The following TNKS2 variants were observed in gnomAD, a reference collection of about 807,000 sequenced individuals.
TNKS2 encodes tankyrase 2, also known as poly [ADP-ribose] polymerase tankyrase-2.
In TNKS2, 72 loss-of-function variants were observed where a neutral mutation model predicts 137.6. The observed-to-expected ratio is 0.52, with a 90% CI of 0.43 to 0.64. The LOEUF (loss-of-function observed/expected upper bound fraction) is 0.64. Among genes scored for constraint, TNKS2 ranks in the 30% least tolerant of loss-of-function variants. The probability of loss-of-function intolerance (pLI) is 0.00; values close to 1 mark genes in which losing one functional copy is unlikely to be tolerated. For synonymous variants in TNKS2, 516 were observed against 512.1 expected, an observed-to-expected ratio of 1.01 and a Z score of -0.10; for missense variants, 1,049 against 1,410.2, an observed-to-expected ratio of 0.74 and a Z score of 4.10.
At chr10:91,809,812 G>GA (rs759854251) in intron 1 of TNKS2, among the ~76,000 whole-genome samples, 13 of 150,510 alleles carry the variant, frequency 8.6e-5, no homozygotes, top group East Asian at 5.8e-4. Flanking sequence ...TTTCTTTAAA[G>GA]AAAAAAAAAG....
chr10:91,813,960 G>C (rs1482747562), intron 2 of TNKS2, among the ~76,000 whole-genome samples: 1 of 152,034 alleles, frequency 6.6e-6, no homozygotes, highest in Non-Finnish European at 1.5e-5. Context: ...CATGATACTT[G>C]ATAATAACCA....
chr10:91,819,936 C>A lies in TNKS2; in HGVS notation c.634-3C>A. 1 of 1,539,916 alleles carries A rather than the reference C, an allele frequency of 6.5e-7. No individual in the cohort carries two copies. The highest frequency in any genetic ancestry group is 2.3e-5 in the East Asian group (1 of 42,746). ...TCATTAATATATTTGATTAATATTT[C>A]AGTCAACTCCATTACATTTGGCAGC... On this transcript the variant is annotated splice_polypyrimidine_tract_variant and splice_region_variant and intron_variant, in intron 5 of 26. Transcript: ENST00000371627.
At chr10:91,836,078 T>C (rs2792027) in intron 12 of TNKS2, among the ~76,000 whole-genome samples, 155 of 147,674 alleles carry the variant, frequency 1.0e-3, no homozygotes, top group African/African-American at 3.8e-3. Flanking sequence ...GTTTCACTCT[T>C]GTTGCCCAGG....
At chr10:91,801,810 G>T (rs1258842443) in intron 1 of TNKS2, among the ~76,000 whole-genome samples, 5 of 152,180 alleles carry the variant, frequency 3.3e-5, no homozygotes, top group African/African-American at 1.2e-4. Flanking sequence ...ATTTGTAGAG[G>T]CAAGTTGGTG....
chr10:91,844,988 A>G lies in TNKS2; in HGVS notation c.2129A>G (p.Lys710Arg). The change falls in exon 17 of 27, where the codon AAA becomes AGA. Residue 710 changes from lysine (K) to arginine (R), a missense_variant. Physicochemically the swap from Lys to Arg is conservative, Grantham distance 26 (BLOSUM62 2). Transcript: ENST00000371627. ...QHGADVNAQD[K>R]GGLIPLHNAA... ...GGAGCTGATGTGAATGCCCAAGACAAAGGAGGACTTATTCCTTTACATAAT... is the reference window on the plus strand; with the variant it reads ...GGAGCTGATGTGAATGCCCAAGACAGAGGAGGACTTATTCCTTTACATAAT... 6.2e-7 allele frequency: 1 copy of G among 1,613,540 alleles called. No homozygotes were observed. The highest frequency in any genetic ancestry group is 8.5e-7 in the Non-Finnish European group (1 of 1,179,600).
chr10:91,827,021 G>T lies in TNKS2; in HGVS notation c.800G>T (p.Gly267Val). The T allele has an allele frequency of 6.4e-7, 1 of 1,565,138 alleles. No individual in the cohort carries two copies. Among genetic ancestry groups the T allele is most frequent in the East Asian group, 2.3e-5 (1 of 44,022 alleles). ...YEVTELLVKHGACVNAMDLWQ... is the reference protein window; with the variant it reads ...YEVTELLVKHVACVNAMDLWQ... ...TATATGCTTTTTGCTCTCCAGCATG[G>T]TGCCTGTGTAAATGCAATGGACTTG... Residue 267 changes from glycine to valine, a missense_variant, in exon 8 of 27, where the codon GGT (glycine) becomes GTT (valine). By Grantham distance (109) the Gly-to-Val change is moderately radical. This residue lies in a region of TNKS2 where 374 missense variants were observed against 460.8 expected (regional missense o/e 0.81). Coordinates refer to ENST00000371627, the MANE Select transcript of TNKS2 (RefSeq NM_025235.4).
chr10:91,855,738 C>T, intron 23 of TNKS2, 50 bp downstream of exon 23: 2 of 1,375,570 alleles, frequency 1.5e-6, no homozygotes, highest in Non-Finnish European at 2.0e-6. Context: ...TTTTCAAAGC[C>T]TGAAGCCATA....
intron 12 of TNKS2, among the ~76,000 whole-genome samples, chr10:91,835,541 G>C (rs1841979115): frequency 6.8e-6 from 1 of 147,214 alleles, no homozygotes; most frequent in East Asian, 2.0e-4. Flanking sequence ...CCCCTGCCTT[G>C]GCCTCCCAAA....
intron 14 of TNKS2, among the ~76,000 whole-genome samples, 198 bp from the exon 15 acceptor site, chr10:91,841,085 A>C (rs930536083): frequency 6.6e-6 from 1 of 152,196 alleles, no homozygotes; most frequent in Non-Finnish European, 1.5e-5. Context: ...TAGTCTCTGC[A>C]TTTAAAACAT....
chr10:91,810,264 G>A (rs1486607710), intron 1 of TNKS2, among the ~76,000 whole-genome samples: 1 of 151,870 alleles, frequency 6.6e-6, no homozygotes, highest in Non-Finnish European at 1.5e-5. Flanking sequence ...TGTAGTCCCA[G>A]CTACTCAGGA....
At chr10:91,838,599 G>A (rs967690973) in intron 13 of TNKS2, among the ~76,000 whole-genome samples, 5 of 152,130 alleles carry the variant, frequency 3.3e-5, no homozygotes, top group Non-Finnish European at 7.3e-5. Context: ...GCAGCACCTG[G>A]TACACGTGTT....
chr10:91,854,510 A>G (rs769929769), intron 21 of TNKS2, among the ~76,000 whole-genome samples: 1 of 152,198 alleles, frequency 6.6e-6, no homozygotes, highest in Non-Finnish European at 1.5e-5. Context: ...GTTATATAAA[A>G]TGGTAACATT....
chr10:91,828,949 C>G (rs184135832), intron 9 of TNKS2, among the ~76,000 whole-genome samples: 1 of 151,652 alleles, frequency 6.6e-6, no homozygotes, highest in Non-Finnish European at 1.5e-5. Flanking sequence ...AGAATGGAAG[C>G]TAATAGGGAT....
intron 7 of TNKS2, among the ~76,000 whole-genome samples, chr10:91,823,377 G>C: frequency 7.5e-6 from 1 of 133,706 alleles, no homozygotes; most frequent in Admixed American, 7.9e-5. Flanking sequence ...GCCCAGGCTG[G>C]AGTGCAGTGG....
At chr10:91,830,018 C>G (rs1313363978) in intron 9 of TNKS2, among the ~76,000 whole-genome samples, 1 of 152,178 alleles carries the variant, frequency 6.6e-6, no homozygotes, top group Non-Finnish European at 1.5e-5. Context: ...CTCCTTTCCT[C>G]CTGGATACAT....
At chr10:91,840,839 C>A in intron 14 of TNKS2, 133 bp downstream of exon 14, 1 of 835,432 alleles carries the variant, frequency 1.2e-6, no homozygotes, top group Non-Finnish European at 1.8e-6. Context: ...TTAAATAGAG[C>A]TTCTTAATTT....
At chr10:91,832,780 C>CAT (rs1313808353) in intron 11 of TNKS2, among the ~76,000 whole-genome samples, 2 of 151,828 alleles carry the variant, frequency 1.3e-5, no homozygotes, top group Non-Finnish European at 2.9e-5. Flanking sequence ...GTAGGGATAA[C>CAT]GTTGGTGGAG....
Position 91,834,121 on chromosome 10 carries a change from T to C in TNKS2, c.1447+97T>C, listed in dbSNP as rs573297832. The stretch of plus-strand genomic sequence containing the variant: ...AGGTAGGAGTTGGTAATAAGAAAAA[T>C]TGAGAATTTTTGTTTATTTCTTCTT... On this transcript the variant is annotated intron_variant, in intron 12 of 26. Coordinates refer to ENST00000371627, the MANE Select transcript of TNKS2 (RefSeq NM_025235.4). 4 of 986,494 alleles carry C rather than the reference T, an allele frequency of 4.1e-6. No individual in the cohort carries two copies. The Admixed American group carries it at 9.2e-5, about 23-fold the overall frequency. 61.1% of individuals were successfully genotyped at this position (986,494 alleles called of 1,614,324 possible). A position where few individuals can be genotyped will look rare whatever the true frequency, so the allele number is the denominator to read the frequency against.
intron 1 of TNKS2, among the ~76,000 whole-genome samples, chr10:91,802,084 A>G (rs1844189680): frequency 6.6e-6 from 1 of 152,194 alleles, no homozygotes; most frequent in Admixed American, 6.5e-5. Flanking sequence ...GTCCTAGCTA[A>G]ACAAGGTAAC....
Sources: gnomAD v4.1 joint callset for allele counts (sites outside exome capture counted in the v4.1 genomes callset) on GRCh38, gnomAD v4.1.1 for gene constraint, gnomAD v4.1.1 regional missense constraint, MANE v1.5 for transcripts, NCBI Gene and HGNC (gene_info 2026-07-23, HGNC 2026-07-21) for gene names.